Variants in TACC2 observed in about 807,000 individuals in gnomAD.
The protein encoded by TACC2 is transforming acidic coiled-coil containing protein 2.
Under a neutral mutation model 227.3 loss-of-function variants are expected in TACC2, and 137 were observed. That is an observed-to-expected ratio of 0.60 (90% CI 0.52 to 0.69). TACC2 has a LOEUF of 0.69. Ranked by LOEUF, TACC2 falls within the 30% of genes least tolerant of loss-of-function variation. The probability of loss-of-function intolerance (pLI) is 0.00; values close to 1 mark genes in which losing one functional copy is unlikely to be tolerated. For missense variants in TACC2, 3,470 were observed against 3,694.4 expected (o/e 0.94, Z 1.57); for synonymous variants, 1,523 against 1,487.5 (o/e 1.02, Z -0.55).
chr10:122,078,538 G>T (rs1331055345), intron 3 of TACC2, among the ~76,000 whole-genome samples: 2 of 152,194 alleles, frequency 1.3e-5, no homozygotes, highest in Non-Finnish European at 2.9e-5. Context: ...GGAGGCTCTA[G>T]TCCCTGGGCC....
At chr10:122,069,871 C>T (rs1291514870) in intron 3 of TACC2, among the ~76,000 whole-genome samples, 1 of 152,200 alleles carries the variant, frequency 6.6e-6, no homozygotes, top group Non-Finnish European at 1.5e-5. Context: ...TTGCAGTCTC[C>T]CCTCTGTCTT....
chr10:122,085,220 A>G lies in TACC2; in HGVS notation c.2720A>G (p.Lys907Arg), dbSNP rs1422347239. Residue 907 changes from lysine (K) to arginine (R), a missense_variant, in exon 4 of 23, where the codon AAA (lysine) becomes AGA (arginine). Around this residue, in one of 10 missense-constraint regions of TACC2, gnomAD observed 1,924 missense variants for 1,978.3 expected, o/e 0.97. Coordinates refer to ENST00000369005, the MANE Select transcript of TACC2 (RefSeq NM_206862.4). ...TCAGAACTTCAAAGTCAGCTCCCCA[A>G]AGGCACCCTGTCTGATACTCCAACT... ...LGSELQSQLPKGTLSDTPTSS... is the reference protein window; with the variant it reads ...LGSELQSQLPRGTLSDTPTSS... The G allele has an allele frequency of 1.2e-6, 2 of 1,614,020 alleles. No individual in the cohort carries two copies.
intron 7 of TACC2, among the ~76,000 whole-genome samples, chr10:122,164,999 G>T (rs922366011): frequency 6.6e-6 from 1 of 152,088 alleles, no homozygotes; most frequent in Non-Finnish European, 1.5e-5. Flanking sequence ...GTGAGGAGCT[G>T]GCTCGGCGTA....
chr10:121,995,876 C>T (rs531294420), intron 1 of TACC2, among the ~76,000 whole-genome samples: 14 of 152,162 alleles, frequency 9.2e-5, no homozygotes, highest in African/African-American at 3.4e-4. Context: ...GCCTCAGTCT[C>T]CTGAGTAGCT....
At chr10:122,168,659 G>A (rs1187137344) in intron 7 of TACC2, among the ~76,000 whole-genome samples, 2 of 152,146 alleles carry the variant, frequency 1.3e-5, no homozygotes, top group African/African-American at 4.8e-5. Context: ...TCGAGGATGG[G>A]GTGAACAGCT....
intron 18 of TACC2, 43 bp downstream of exon 18, chr10:122,238,080 T>C (rs1450234681): frequency 6.6e-7 from 1 of 1,513,930 alleles, no homozygotes; most frequent in Non-Finnish European, 9.2e-7. Context: ...GAGGGATACT[T>C]ACCTGTGGTT....
At chr10:122,078,195 CAAAAAAAAAAAA>C (rs1175837364) in intron 3 of TACC2, among the ~76,000 whole-genome samples, 20 of 37,654 alleles carry the variant, frequency 5.3e-4, no homozygotes, top group East Asian at 9.3e-4. Flanking sequence ...ACTCCATCTC[CAAAAAAAAAAAA>C]AAAAAAAAAA....
chr10:122,033,278 A>G (rs541171899), intron 2 of TACC2: 11 of 505,082 alleles, frequency 2.2e-5, no homozygotes, highest in African/African-American at 2.0e-4. Context: ...TCCCTCTTCC[A>G]TTGCTTCTTC....
intron 3 of TACC2, among the ~76,000 whole-genome samples, chr10:122,077,999 A>G (rs1204837337): frequency 2.0e-5 from 3 of 152,064 alleles, no homozygotes; most frequent in Non-Finnish European, 2.9e-5. Context: ...GTTAGAGACC[A>G]GCCTGGCCAA....
intron 7 of TACC2, among the ~76,000 whole-genome samples, chr10:122,170,041 G>A (rs563021016): frequency 6.6e-6 from 1 of 152,246 alleles, no homozygotes; most frequent in Admixed American, 6.5e-5. Flanking sequence ...ATGAGCCTCT[G>A]TGCCCAGCCT....
rs747783520 is a variant in TACC2 at position 122,215,469 on chromosome 10, T to A, written c.7344+18T>A. The stretch of plus-strand genomic sequence containing the variant: ...CTTCCCAGGTACAGTGTTCCTTTGA[T>A]CTTGATGGTTTTATGCCCCCCCCGG... On this transcript the variant is annotated intron_variant, in intron 10 of 22. Transcript: ENST00000369005. 4 of 1,611,696 alleles carry A rather than the reference T, an allele frequency of 2.5e-6. No individual in the cohort carries two copies. Among genetic ancestry groups the A allele is most frequent in the Non-Finnish European group, 3.4e-6 (4 of 1,177,864 alleles).
At chr10:122,011,914 C>T (rs1348481660) in intron 1 of TACC2, among the ~76,000 whole-genome samples, 1 of 152,052 alleles carries the variant, frequency 6.6e-6, no homozygotes, top group Non-Finnish European at 1.5e-5. Context: ...TGATGAAAAC[C>T]TTCCAGTTTT....
chr10:122,207,725 CTCTT>C (rs2095169027), intron 8 of TACC2, among the ~76,000 whole-genome samples: 1 of 152,224 alleles, frequency 6.6e-6, no homozygotes, highest in Non-Finnish European at 1.5e-5. Context: ...AGGCAGGGAG[CTCTT>C]TCTTCTGGAG....
At position 122,253,889 on chromosome 10, in the gene TACC2, C is replaced by A. The variant is rs2096294840; in HGVS notation, c.8782-102C>A. ...ATTTGTCTCACTGCTTTAGTGGGGACCAAGGGGCCTGGTGGTCCCCCATCT... is the reference window on the plus strand; with the variant it reads ...ATTTGTCTCACTGCTTTAGTGGGGAACAAGGGGCCTGGTGGTCCCCCATCT... On this transcript the variant is annotated intron_variant, in intron 22 of 22. Coordinates refer to ENST00000369005, the MANE Select transcript of TACC2 (RefSeq NM_206862.4). 3 of 900,148 alleles carry A rather than the reference C, an allele frequency of 3.3e-6. No homozygotes were observed. The Admixed American group carries it at 5.4e-5, about 16-fold the overall frequency. The allele number at this position is 900,148 out of a possible 1,614,324, so 55.8% of individuals were successfully genotyped here. A position where few individuals can be genotyped will look rare whatever the true frequency, so the allele number is the denominator to read the frequency against.
At chr10:122,221,717 T>C (rs2095527449) in intron 11 of TACC2, among the ~76,000 whole-genome samples, 1 of 152,234 alleles carries the variant, frequency 6.6e-6, no homozygotes, top group African/African-American at 2.4e-5. Context: ...CATGCTCCTT[T>C]ACATTTGTGT....
chr10:122,163,908 G>A (rs370483854), intron 7 of TACC2: 107 of 1,562,732 alleles, frequency 6.8e-5, no homozygotes, highest in Non-Finnish European at 8.9e-5. Flanking sequence ...TAGCTTGCAC[G>A]CCAGGGCACA....
intron 1 of TACC2, among the ~76,000 whole-genome samples, chr10:122,017,050 G>A (rs79964844): frequency 0.011 from 1,636 of 150,396 alleles, 34 homozygotes; most frequent in African/African-American, 0.034. Context: ...CCTTGATCTC[G>A]AACGTCCAGC....
intron 1 of TACC2, among the ~76,000 whole-genome samples, chr10:122,013,371 CA>C (rs1416524680): frequency 3.3e-5 from 5 of 152,160 alleles, no homozygotes; most frequent in Non-Finnish European, 7.4e-5. Context: ...ACCTCTCTAA[CA>C]AATCTCTTTC....
chr10:122,195,067 G>A lies in TACC2; in HGVS notation c.5862G>A (p.Glu1954=), dbSNP rs767142432. Residue 1954 remains glutamate, a synonymous_variant, in exon 8 of 23, where the codon GAG becomes GAA. Transcript: ENST00000369005. ...GTTCCGATTCTGAAGAGGCATTTGA[G>A]ACCCCGGAGTCAACGACCCCTGTCA... ...SRSSDSEEAF[E]TPESTTPVKA... is the part of the protein sequence containing the mutation. The A allele has an allele frequency of 3.1e-6, 5 of 1,613,258 alleles. No individual in the cohort carries two copies. The African/African-American group carries it at 5.3e-5, about 17-fold the overall frequency.
Sources: gnomAD v4.1 joint callset for allele counts (sites outside exome capture counted in the v4.1 genomes callset) on GRCh38, gnomAD v4.1.1 for gene constraint, gnomAD v4.1.1 regional missense constraint, MANE v1.5 for transcripts, NCBI Gene and HGNC (gene_info 2026-07-23, HGNC 2026-07-21) for gene names.